Variants in NSMCE2 observed in about 807,000 individuals in gnomAD.
NSMCE2 encodes E3 SUMO-protein ligase NSE2.
Under a neutral mutation model 23.8 loss-of-function variants are expected in NSMCE2, and 24 were observed. That is an observed-to-expected ratio of 1.01 (90% CI 0.73 to 1.42). The LOEUF (loss-of-function observed/expected upper bound fraction) is 1.42, where lower values mean the gene tolerates loss of function less well. Among genes scored for constraint, NSMCE2 ranks in the 40% most tolerant of loss-of-function variants. The pLI is 0.00. For missense variants in NSMCE2, 284 were observed against 296.5 expected (o/e 0.96, Z 0.31); for synonymous variants, 92 against 94.1 (o/e 0.98, Z 0.13).
At chr8:125,335,699 T>C (rs1419104514) in intron 5 of NSMCE2, among the ~76,000 whole-genome samples, 1 of 152,172 alleles carries the variant, frequency 6.6e-6, no homozygotes. Flanking sequence ...GGTTCCTTAT[T>C]TGACAGATCA....
chr8:125,219,416 T>TA (rs1824746699), intron 5 of NSMCE2, among the ~76,000 whole-genome samples: 1 of 152,162 alleles, frequency 6.6e-6, no homozygotes, highest in Non-Finnish European at 1.5e-5. Context: ...GGCAGTACTT[T>TA]AAAAGCAAAA....
At chr8:125,272,745 A>G (rs1403248238) in intron 5 of NSMCE2, among the ~76,000 whole-genome samples, 2 of 140,630 alleles carry the variant, frequency 1.4e-5, no homozygotes, top group African/African-American at 5.4e-5. Flanking sequence ...ACACACATAT[A>G]TATACACACG....
At chr8:125,289,527 A>G (rs988459111) in intron 5 of NSMCE2, among the ~76,000 whole-genome samples, 73 of 152,264 alleles carry the variant, frequency 4.8e-4, no homozygotes, top group African/African-American at 1.7e-3. Context: ...CTTGTTATCA[A>G]AGGGTTTCCT....
At chr8:125,188,109 T>C (rs1823185502) in intron 5 of NSMCE2, among the ~76,000 whole-genome samples, 1 of 152,160 alleles carries the variant, frequency 6.6e-6, no homozygotes, top group African/African-American at 2.4e-5. Flanking sequence ...ACACCCAATC[T>C]AGATCTCAAA....
chr8:125,359,662 A>G (rs539268532), intron 7 of NSMCE2, among the ~76,000 whole-genome samples: 40 of 152,158 alleles, frequency 2.6e-4, no homozygotes, highest in Non-Finnish European at 4.4e-4. Flanking sequence ...TTCCTTATCC[A>G]TAAATGAATG....
intron 5 of NSMCE2, among the ~76,000 whole-genome samples, chr8:125,215,904 G>A (rs1365067044): frequency 6.6e-6 from 1 of 152,126 alleles, no homozygotes; most frequent in Non-Finnish European, 1.5e-5. Flanking sequence ...GCAACATAAC[G>A]AGACCCTGTC....
At chr8:125,337,503 A>G (rs949945467) in intron 5 of NSMCE2, among the ~76,000 whole-genome samples, 4 of 152,178 alleles carry the variant, frequency 2.6e-5, no homozygotes, top group Admixed American at 6.5e-5. Flanking sequence ...TGAAATCCTA[A>G]TTTTATTTGC....
chr8:125,210,024 G>A (rs767284679), intron 5 of NSMCE2, among the ~76,000 whole-genome samples: 1 of 152,188 alleles, frequency 6.6e-6, no homozygotes, highest in South Asian at 2.1e-4. Flanking sequence ...GGTCTCTACA[G>A]AATAGTCACA....
In NSMCE2 at chr8:125,313,114, A is replaced by AG. The variant is rs1460499845; in HGVS notation, c.419-44102dup. On this transcript the variant is annotated intron_variant, in intron 5 of 7. Transcript: ENST00000287437. ...AGAACTTAAAGTGGAAAAAAAAAAA[A>AG]GGGAAAGAAGGAAGGAAGGAAGGAG... 1.3e-4 allele frequency among the ~76,000 whole-genome samples: 20 copies of AG among 150,962 alleles called. No individual in the cohort carries two copies. In the South Asian group the frequency reaches 1.5e-3, roughly 11 times the overall value.
intron 5 of NSMCE2, among the ~76,000 whole-genome samples, chr8:125,294,045 A>T (rs1232432470): frequency 6.6e-6 from 1 of 152,238 alleles, no homozygotes; most frequent in Non-Finnish European, 1.5e-5. Flanking sequence ...GGGACGTTTC[A>T]TATAAACATG....
At chr8:125,198,536 G>T (rs1267502938) in intron 5 of NSMCE2, among the ~76,000 whole-genome samples, 1 of 152,212 alleles carries the variant, frequency 6.6e-6, no homozygotes, top group African/African-American at 2.4e-5. Flanking sequence ...CAGGGATGAA[G>T]CCTACTTGAT....
intron 5 of NSMCE2, among the ~76,000 whole-genome samples, chr8:125,183,425 C>T (rs774332635): frequency 3.3e-5 from 5 of 151,692 alleles, no homozygotes; most frequent in Non-Finnish European, 5.9e-5. Context: ...TTTTTAACAT[C>T]ACAGCTCCCA....
chr8:125,102,398 C>G lies in NSMCE2; in HGVS notation c.68C>G (p.Ala23Gly). 6.2e-7 allele frequency: 1 copy of G among 1,613,048 alleles called. No homozygotes were observed. The highest frequency in any genetic ancestry group is 8.5e-7 in the Non-Finnish European group (1 of 1,179,060). The change falls in exon 3 of 8, where the codon GCT becomes GGT. Residue 23 changes from alanine (A) to glycine (G), a missense_variant. Physicochemically the swap from Ala to Gly is moderately conservative, Grantham distance 60 (BLOSUM62 0). Transcript: ENST00000287437. ...GFISFSGVESALSSLKNFQAC... is the reference protein window; with the variant it reads ...GFISFSGVESGLSSLKNFQAC... The stretch of plus-strand genomic sequence containing the variant: ...ATCTCCTTCAGTGGTGTAGAGTCTG[C>G]TCTCTCCTCCTTGAAAAACTTCCAA...
rs1586491797 is a variant in NSMCE2 at position 125,136,523 on chromosome 8, T to A, written c.158-14648T>A. ...AGAGACTAGGTGCCTGCATGTGGGA[T>A]GTGATTGATTAGAACCTCCCATTTT... On this transcript the variant is annotated intron_variant, in intron 3 of 7. Coordinates refer to ENST00000287437, the MANE Select transcript of NSMCE2 (RefSeq NM_173685.4). Among the ~76,000 whole-genome samples the A allele has an allele frequency of 3.3e-5, 5 of 152,284 alleles. No individual in the cohort carries two copies. In the South Asian group the frequency reaches 1.0e-3, roughly 32 times the overall value.
rs1028749206 is a variant in NSMCE2, at chr8:125,127,144, A to G, written c.158-24027A>G. 31 of 152,222 alleles carry G rather than the reference A, an allele frequency of 2.0e-4. 1 individual carries two copies. Among genetic ancestry groups the G allele is most frequent in the Non-Finnish European group, 1.5e-5 (1 of 68,046 alleles). The allele number at this position is 152,222 out of a possible 1,614,324, so 9.4% of individuals were successfully genotyped here. On this transcript the variant is annotated intron_variant, in intron 3 of 7. Transcript: ENST00000287437. ...AAAATATGGACATTATCTCCTTTTCATGGTTCCTGGTTTGATGAAACAGTT... is the reference window on the plus strand; with the variant it reads ...AAAATATGGACATTATCTCCTTTTCGTGGTTCCTGGTTTGATGAAACAGTT...
At chr8:125,233,223 T>TA (rs1825405181) in intron 5 of NSMCE2, among the ~76,000 whole-genome samples, 1 of 152,232 alleles carries the variant, frequency 6.6e-6, no homozygotes, top group South Asian at 2.1e-4. Context: ...AACCCTGCTT[T>TA]AAGCTACATT....
At chr8:125,212,502 A>G (rs545434244) in intron 5 of NSMCE2, among the ~76,000 whole-genome samples, 1 of 152,278 alleles carries the variant, frequency 6.6e-6, no homozygotes, top group Admixed American at 6.5e-5. Context: ...AGGTGAAAAG[A>G]GCAAAATGGG....
chr8:125,175,195 G>T (rs1251014685), intron 4 of NSMCE2, among the ~76,000 whole-genome samples: 2 of 152,008 alleles, frequency 1.3e-5, no homozygotes, highest in East Asian at 1.9e-4. Context: ...TGACGAATTG[G>T]GTTGGTGGTG....
At chr8:125,099,530 CAG>C (rs1232426565) in intron 1 of NSMCE2, among the ~76,000 whole-genome samples, 1 of 151,900 alleles carries the variant, frequency 6.6e-6, no homozygotes, top group African/African-American at 2.4e-5. Flanking sequence ...GGAGAGGAAA[CAG>C]AAAGGAGAAT....
Sources: allele counts gnomAD v4.1 joint callset (sites outside exome capture counted in the v4.1 genomes callset), GRCh38; gene constraint gnomAD v4.1.1; transcripts MANE v1.5; gene names NCBI Gene and HGNC (gene_info 2026-07-23, HGNC 2026-07-21).